The following SLC6A3 variants were observed in gnomAD, a reference collection of about 807,000 sequenced individuals.
SLC6A3 encodes the protein sodium-dependent dopamine transporter.
In SLC6A3, 19 loss-of-function variants were observed where a neutral mutation model predicts 70.4. The ratio of observed to expected loss-of-function variants is 0.27; its 90% CI spans 0.19 to 0.40. The LOEUF (loss-of-function observed/expected upper bound fraction) is 0.40. SLC6A3 is among the 10% of genes least tolerant of loss of function. The pLI, the probability that SLC6A3 is intolerant of heterozygous loss-of-function variation, is 1.00. For synonymous variants in SLC6A3, 368 were observed against 356.6 expected (o/e 1.03, Z -0.36); for missense variants, 613 against 838.5 (o/e 0.73, Z 3.32).
Position 1,421,786 on chromosome 5 carries a change from G to GTAGCACAAAA in SLC6A3, c.792+89_792+90insTTTTGTGCTA. On this transcript the variant is annotated intron_variant, in intron 5 of 14. Transcript: ENST00000270349. This position sits in a 1 kb window ranked among gnomAD's most constrained non-coding sequence, Gnocchi z 7.2. ...ATTGGTAGCACAAAACCCAACTGAG[G>GTAGCACAAAA]CCACACGTGCACCTCCTGTCCAGCC... 5.6e-6 allele frequency: 8 copies of GTAGCACAAAA among 1,428,914 alleles called. No individual in the cohort carries two copies. The highest frequency in any genetic ancestry group is 7.9e-6 in the Non-Finnish European group (8 of 1,017,058). The allele number at this position is 1,428,914 out of a possible 1,614,324, so 88.5% of individuals were successfully genotyped here. A position where few individuals can be genotyped will look rare whatever the true frequency, so the allele number is the denominator to read the frequency against.
chr5:1,444,990 G>T (rs1733764825), intron 1 of SLC6A3, among the ~76,000 whole-genome samples: 1 of 152,152 alleles, frequency 6.6e-6, no homozygotes, highest in Non-Finnish European at 1.5e-5. Flanking sequence ...GGGATGCGCC[G>T]CACCCCTAGT....
intron 3 of SLC6A3, among the ~76,000 whole-genome samples, chr5:1,434,578 C>T (rs1756784732): frequency 2.0e-5 from 3 of 152,190 alleles, no homozygotes; most frequent in Admixed American, 6.5e-5. Flanking sequence ...GGCACCATCA[C>T]GTTCTTGCTA....
At chr5:1,409,362 G>C (rs925784250) in intron 10 of SLC6A3, among the ~76,000 whole-genome samples, 29 of 152,294 alleles carry the variant, frequency 1.9e-4, no homozygotes, top group Admixed American at 5.9e-4. Context: ...GGAAGCAACC[G>C]AATGCGGAAC....
chr5:1,441,276 T>C, intron 3 of SLC6A3, 83 bp downstream of exon 3: 9 of 1,561,732 alleles, frequency 5.8e-6, no homozygotes, highest in Non-Finnish European at 7.9e-6. Flanking sequence ...ATGCCCATGA[T>C]GCGGCTGGCT....
At position 1,442,913 on chromosome 5, in the gene SLC6A3, G is replaced by T. The variant is rs201707183; in HGVS notation, c.285C>A (p.Gly95=). The T allele has an allele frequency of 1.9e-6, 3 of 1,614,100 alleles. No individual in the cohort carries two copies. The highest frequency in any genetic ancestry group is 2.5e-6 in the Non-Finnish European group (3 of 1,179,998). The change falls in exon 2 of 15, where the codon GGC becomes GGA. Residue 95 remains glycine, a splice_region_variant and synonymous_variant. Coordinates refer to ENST00000270349, the MANE Select transcript of SLC6A3 (RefSeq NM_001044.5). This position sits in a 1 kb window ranked among gnomAD's most constrained non-coding sequence, Gnocchi z 5.0. ...RFPYLCYKNG[G]GAFLVPYLLF... ...CAGGGAGGCTGAGATGGGACTTACC[G>T]CCACCATTTTTGTAGCACAGGTAGG... is the stretch of plus-strand genomic sequence containing the variant.
At chr5:1,441,304 C>T (rs1443148525) in intron 3 of SLC6A3, 55 bp downstream of exon 3, 60 of 1,610,224 alleles carry the variant, frequency 3.7e-5, no homozygotes, top group Admixed American at 6.7e-5. Context: ...AAAGCTCCAG[C>T]GTCACCACCA....
At chr5:1,407,621 C>T (rs963098362) in intron 11 of SLC6A3, among the ~76,000 whole-genome samples, 1 of 152,170 alleles carries the variant, frequency 6.6e-6, no homozygotes, top group African/African-American at 2.4e-5. Flanking sequence ...AGGTGCAGGT[C>T]GCCAGGGCCG....
In SLC6A3 at chr5:1,400,913, A is replaced by G; in HGVS notation, c.1839+2T>C. The G allele has an allele frequency of 6.3e-7, 1 of 1,579,336 alleles. No homozygotes were observed. The highest frequency in any genetic ancestry group is 8.6e-7 in the Non-Finnish European group (1 of 1,159,950). Reference sequence around the variant, plus strand: ...GAGGCCCAGCAGGGACCTCGACCTCACCGTGAACTGGCGCACCTCCCCTCT... The same window carrying G: ...GAGGCCCAGCAGGGACCTCGACCTCGCCGTGAACTGGCGCACCTCCCCTCT... On this transcript the variant is annotated splice_donor_variant, in intron 14 of 14. Coordinates refer to ENST00000270349, the MANE Select transcript of SLC6A3 (RefSeq NM_001044.5). LOFTEE classifies it high-confidence loss of function.
chr5:1,422,027 G>A lies in SLC6A3; in HGVS notation c.654-13C>T. ...CAGCACGCCACGTCTGCAGAGGGGA[G>A]TCAGCGGGGGACTCTGTGGGTGGCT... On this transcript the variant is annotated splice_polypyrimidine_tract_variant and intron_variant, in intron 4 of 14. Coordinates refer to ENST00000270349, the MANE Select transcript of SLC6A3 (RefSeq NM_001044.5). The A allele has an allele frequency of 6.2e-7, 1 of 1,608,796 alleles. No homozygotes were observed. The highest frequency in any genetic ancestry group is 8.5e-7 in the Non-Finnish European group (1 of 1,179,338).
chr5:1,444,226 C>G (rs1050243173), intron 1 of SLC6A3, among the ~76,000 whole-genome samples: 1 of 152,164 alleles, frequency 6.6e-6, no homozygotes, highest in Non-Finnish European at 1.5e-5. Context: ...CCCGGGAAAT[C>G]CTGTCCAAAC....
rs1755846582 is a variant in SLC6A3, at chr5:1,401,375, C to T, written c.1768-389G>A. ...ACCCAGGTGGGCTGCCTCGGGGCCACCTGCAGCTGACATATTCCGGGAGCA... is the reference window on the plus strand; with the variant it reads ...ACCCAGGTGGGCTGCCTCGGGGCCATCTGCAGCTGACATATTCCGGGAGCA... On this transcript the variant is annotated intron_variant, in intron 13 of 14. Transcript: ENST00000270349. This position sits in a 1 kb window ranked among gnomAD's most constrained non-coding sequence, Gnocchi z 6.1. The T allele has an allele frequency of 2.2e-6, 1 of 452,832 alleles. No individual in the cohort carries two copies. The highest frequency in any genetic ancestry group is 1.7e-5 in the South Asian group (1 of 58,748). The allele number at this position is 452,832 out of a possible 1,614,324, so 28.1% of individuals were successfully genotyped here.
chr5:1,433,809 A>G (rs1159840568), intron 3 of SLC6A3, among the ~76,000 whole-genome samples: 3 of 151,606 alleles, frequency 2.0e-5, no homozygotes, highest in African/African-American at 7.3e-5. Flanking sequence ...ATCCACAACC[A>G]TCCACACCCA....
At chr5:1,399,336 G>A (rs757452592) in intron 14 of SLC6A3, among the ~76,000 whole-genome samples, 17 of 152,152 alleles carry the variant, frequency 1.1e-4, no homozygotes, top group Non-Finnish European at 2.4e-4. Flanking sequence ...AGTATTTTGA[G>A]GGAAATTCAT....
rs984635172 is a variant in SLC6A3 at position 1,436,059 on chromosome 5, G to A, written c.419-3361C>T. On this transcript the variant is annotated intron_variant, in intron 3 of 14. Coordinates refer to ENST00000270349, the MANE Select transcript of SLC6A3 (RefSeq NM_001044.5). This position sits in a 1 kb window ranked among gnomAD's most constrained non-coding sequence, Gnocchi z 5.2. ...GAAATGGCTCCCTTGAACGGTGGTG[G>A]CCAGTCCCCTCCTGGATGCTTCCCT... Among the ~76,000 whole-genome samples the A allele has an allele frequency of 1.3e-4, 20 of 148,760 alleles. No individual in the cohort carries two copies. The highest frequency in any genetic ancestry group is 1.3e-4 in the Admixed American group (2 of 14,974).
intron 4 of SLC6A3, among the ~76,000 whole-genome samples, chr5:1,423,477 G>T (rs1756510151): frequency 6.6e-6 from 1 of 152,242 alleles, no homozygotes; most frequent in Admixed American, 6.5e-5. Context: ...TTTTCTGAGG[G>T]GATGGCTCAC....
In SLC6A3 at chr5:1,435,976, T is replaced by C. The variant is rs113858291; in HGVS notation, c.419-3278A>G. 2.6e-3 allele frequency among the ~76,000 whole-genome samples: 365 copies of C among 142,254 alleles called. 2 individuals are homozygous for C. The highest frequency in any genetic ancestry group is 9.1e-3 in the African/African-American group (338 of 37,060). 93.3% of individuals were successfully genotyped at this position (142,254 alleles called of 152,430 possible). ...CTGGGCACCTCGGTGAGGAAATGGCTCCCTTGAACAGTGGTGGCCAGTCCC... is the reference window on the plus strand; with the variant it reads ...CTGGGCACCTCGGTGAGGAAATGGCCCCCTTGAACAGTGGTGGCCAGTCCC... On this transcript the variant is annotated intron_variant, in intron 3 of 14. Coordinates refer to ENST00000270349, the MANE Select transcript of SLC6A3 (RefSeq NM_001044.5).
rs1409087260 is a variant in SLC6A3, at chr5:1,396,264, C to T, written c.1840-1506G>A. Among the ~76,000 whole-genome samples the T allele has an allele frequency of 6.6e-6, 1 of 152,190 alleles. No homozygotes were observed. The highest frequency in any genetic ancestry group is 1.5e-5 in the Non-Finnish European group (1 of 68,034). ...GGTGAAACGTAGCTATGGATACAAACATTTCTGACCTAGATGGAATAATAG... is the reference window on the plus strand; with the variant it reads ...GGTGAAACGTAGCTATGGATACAAATATTTCTGACCTAGATGGAATAATAG... On this transcript the variant is annotated intron_variant, in intron 14 of 14. Transcript: ENST00000270349. This position sits in a 1 kb window ranked among gnomAD's most constrained non-coding sequence, Gnocchi z 7.0.
Position 1,416,098 on chromosome 5 carries a change from C to G in SLC6A3, c.1031G>C (p.Arg344Thr). ...CTGCCTGGCCCTGCTAGGGGCTCACCTGTAGCAGTTGTTGGTGAACTTGTT... is the reference window on the plus strand; with the variant it reads ...CTGCCTGGCCCTGCTAGGGGCTCACGTGTAGCAGTTGTTGGTGAACTTGTT... ...SYNKFTNNCY[R>T]DAIVTTSINS... is the part of the protein sequence containing the mutation. The change falls in exon 7 of 15, where the codon AGG becomes ACG. Residue 344 changes from arginine to threonine, a missense_variant and splice_region_variant. Around this residue, in one of 4 missense-constraint regions of SLC6A3, gnomAD observed 348 missense variants for 481.2 expected, o/e 0.72. Transcript: ENST00000270349. The G allele has an allele frequency of 6.2e-7, 1 of 1,612,868 alleles. No homozygotes were observed. The highest frequency in any genetic ancestry group is 8.5e-7 in the Non-Finnish European group (1 of 1,178,890).
At chr5:1,420,153 C>T (rs2735917) in intron 6 of SLC6A3, among the ~76,000 whole-genome samples, 1 of 152,152 alleles carries the variant, frequency 6.6e-6, no homozygotes, top group South Asian at 2.1e-4. Flanking sequence ...TCCAACGATG[C>T]CCCAAGGGAG....
Sources: gnomAD v4.1 joint callset for allele counts (sites outside exome capture counted in the v4.1 genomes callset) on GRCh38, gnomAD v4.1.1 for gene constraint, gnomAD v4.1.1 regional missense constraint, Gnocchi (gnomAD v3.1) non-coding constraint, MANE v1.5 for transcripts, NCBI Gene and HGNC (gene_info 2026-07-23, HGNC 2026-07-21) for gene names.